Variants in FARP1 observed in about 807,000 individuals in gnomAD.
FARP1 encodes FERM, ARHGEF and pleckstrin domain-containing protein 1.
FARP1 carries 52 observed loss-of-function variants against 128.8 expected under a neutral mutation model. That is an observed-to-expected ratio of 0.40 (90% CI 0.32 to 0.51). The LOEUF is 0.51. FARP1 is among the 20% of genes least tolerant of loss of function. FARP1 has a pLI of 0.45. For missense variants in FARP1, 1,333 were observed against 1,367.9 expected (o/e 0.97, Z 0.40); for synonymous variants, 580 against 551.8 (o/e 1.05, Z -0.72).
At chr13:98,230,050 A>G (rs1882026276) in intron 2 of FARP1, among the ~76,000 whole-genome samples, 1 of 152,228 alleles carries the variant, frequency 6.6e-6, no homozygotes, top group African/African-American at 2.4e-5. Context: ...GGTCGTGCCT[A>G]GTACCGTAGG....
In FARP1 at chr13:98,310,560, G is replaced by A. The variant is rs185399932; in HGVS notation, c.172-33202G>A. The stretch of plus-strand genomic sequence containing the variant: ...TAATTTATAAAGTCTGAAATGTGGA[G>A]GTTTCGAGTTGACATTTGGAGATGG... On this transcript the variant is annotated intron_variant, in intron 2 of 26. Transcript: ENST00000319562. Among the ~76,000 whole-genome samples the A allele has an allele frequency of 4.6e-5, 7 of 152,270 alleles. No individual in the cohort carries two copies. The East Asian group carries it at 1.4e-3, about 29-fold the overall frequency.
chr13:98,143,307 GCGC>G lies in FARP1; in HGVS notation c.-207_-205del, dbSNP rs1389510082. 7.1e-6 allele frequency: 1 copy of G among 140,142 alleles called. No individual in the cohort carries two copies. The highest frequency in any genetic ancestry group is 2.1e-4 in the East Asian group (1 of 4,664). 8.7% of individuals were successfully genotyped at this position (140,142 alleles called of 1,614,324 possible). ...CCTGCTCCGCCCTCCCCTCCGCCCC[GCGC>G]CACCTTTGATGGCTCGGACCTCAGC... On this transcript the variant is annotated 5_prime_UTR_variant, in exon 1 of 27. Coordinates refer to ENST00000319562, the MANE Select transcript of FARP1 (RefSeq NM_005766.4).
intron 3 of FARP1, among the ~76,000 whole-genome samples, chr13:98,358,071 GT>G (rs1261668721): frequency 2.7e-3 from 369 of 137,060 alleles, no homozygotes; most frequent in Middle Eastern, 4.2e-3. Context: ...ATACATTTCT[GT>G]TTTTTTTTTT....
At chr13:98,435,812 T>C in intron 19 of FARP1, 106 bp downstream of exon 19, 1 of 1,186,300 alleles carries the variant, frequency 8.4e-7, no homozygotes, top group East Asian at 2.3e-5. Flanking sequence ...AAGCAAAATG[T>C]CCTCTTTCCA....
In FARP1 at chr13:98,452,950, T is replaced by C; in HGVS notation, c.*4633T>C. On this transcript the variant is annotated 3_prime_UTR_variant, in exon 27 of 27. Coordinates refer to ENST00000319562, the MANE Select transcript of FARP1 (RefSeq NM_005766.4). ...ACAAAAGTAATAAAATAAAATAAAA[T>C]GATCGCTGGAAGGAGCTGACCCTCC... 2 of 446,988 alleles carry C rather than the reference T, an allele frequency of 4.5e-6. No homozygotes were observed. Among genetic ancestry groups the C allele is most frequent in the South Asian group, 5.5e-5 (1 of 18,026 alleles). 27.7% of individuals were successfully genotyped at this position (446,988 alleles called of 1,614,324 possible).
In FARP1 at chr13:98,365,452, T is replaced by G; in HGVS notation, c.319+15T>G. On this transcript the variant is annotated intron_variant, in intron 4 of 26. Transcript: ENST00000319562. ...ACAGATTAGAAGTGAGTATATACCA[T>G]ATGTTTAATAGTGATGTGAAATCTG... 6.4e-7 allele frequency: 1 copy of G among 1,569,200 alleles called. No homozygotes were observed. The highest frequency in any genetic ancestry group is 8.8e-7 in the Non-Finnish European group (1 of 1,140,504).
At position 98,424,791 on chromosome 13, in the gene FARP1, C is replaced by T. The variant is rs1276993545; in HGVS notation, c.1905+141C>T. 1.6e-5 allele frequency: 11 copies of T among 666,728 alleles called. No homozygotes were observed. The East Asian group carries it at 3.0e-4, about 18-fold the overall frequency. The allele number at this position is 666,728 out of a possible 1,614,324, so 41.3% of individuals were successfully genotyped here. A position where few individuals can be genotyped will look rare whatever the true frequency, so the allele number is the denominator to read the frequency against. On this transcript the variant is annotated intron_variant, in intron 17 of 26. Transcript: ENST00000319562. ...TACACCAAGCTTGTCCAACCCACCGCCGAGCAGCAGCTTACAGCCCAGGAC... is the reference window on the plus strand; with the variant it reads ...TACACCAAGCTTGTCCAACCCACCGTCGAGCAGCAGCTTACAGCCCAGGAC...
At chr13:98,153,497 A>AT (rs1566670759) in intron 1 of FARP1, among the ~76,000 whole-genome samples, 1,809 of 134,946 alleles carry the variant, frequency 0.013, 131 homozygotes, top group African/African-American at 0.046. Flanking sequence ...TACATTATAT[A>AT]AAAATATGTA....
At chr13:98,379,206 T>TC (rs1403740321) in intron 6 of FARP1, among the ~76,000 whole-genome samples, 1 of 108,946 alleles carries the variant, frequency 9.2e-6, no homozygotes, top group Non-Finnish European at 1.8e-5. Context: ...AATATATATA[T>TC]AATATATAAT....
intron 1 of FARP1, among the ~76,000 whole-genome samples, chr13:98,189,613 G>C (rs1879097120): frequency 6.6e-6 from 1 of 152,138 alleles, no homozygotes; most frequent in African/African-American, 2.4e-5. Flanking sequence ...AGCCCAATAT[G>C]TATTCAAATT....
chr13:98,415,841 T>G (rs4083519), intron 16 of FARP1, among the ~76,000 whole-genome samples: 1 of 152,310 alleles, frequency 6.6e-6, no homozygotes, highest in East Asian at 1.9e-4. Context: ...TCCTGTCGAT[T>G]GGGATGGGTA....
In FARP1 at chr13:98,443,152, T is replaced by G. The variant is rs531920140; in HGVS notation, c.2796+2316T>G. Reference sequence around the variant, plus strand: ...AACCAAGAATGGGTTTCACTTTTTTTTAATGGCTGCTACATAATGTCTTCA... The same window carrying G: ...AACCAAGAATGGGTTTCACTTTTTTGTAATGGCTGCTACATAATGTCTTCA... On this transcript the variant is annotated intron_variant, in intron 24 of 26. Coordinates refer to ENST00000319562, the MANE Select transcript of FARP1 (RefSeq NM_005766.4). 4.6e-5 allele frequency among the ~76,000 whole-genome samples: 7 copies of G among 152,382 alleles called. No individual in the cohort carries two copies. The South Asian group carries it at 1.0e-3, about 23-fold the overall frequency.
chr13:98,260,445 GT>G (rs1008736914), intron 2 of FARP1, among the ~76,000 whole-genome samples: 2 of 152,168 alleles, frequency 1.3e-5, no homozygotes, highest in African/African-American at 4.8e-5. Context: ...TCCTCACTGA[GT>G]TTAGCCTTTG....
chr13:98,161,575 T>A (rs570173139), intron 1 of FARP1, among the ~76,000 whole-genome samples: 1 of 152,248 alleles, frequency 6.6e-6, no homozygotes, highest in South Asian at 2.1e-4. Flanking sequence ...GGTCATTTCC[T>A]GTTGACCTTT....
At chr13:98,379,614 A>G (rs1889812456) in intron 6 of FARP1, among the ~76,000 whole-genome samples, 1 of 152,168 alleles carries the variant, frequency 6.6e-6, no homozygotes, top group Admixed American at 6.5e-5. Context: ...GGACCTCCCA[A>G]GGACACCAAA....
chr13:98,421,449 A>G (rs1404232628), intron 16 of FARP1, among the ~76,000 whole-genome samples: 2 of 152,162 alleles, frequency 1.3e-5, no homozygotes, highest in Non-Finnish European at 2.9e-5. Context: ...CTTCTCCCGC[A>G]ATCCAGACTC....
At chr13:98,303,349 T>C (rs1594377082) in intron 2 of FARP1, among the ~76,000 whole-genome samples, 1 of 152,220 alleles carries the variant, frequency 6.6e-6, no homozygotes, top group East Asian at 1.9e-4. Flanking sequence ...TACTAAAAAG[T>C]CATTGAACTG....
At position 98,318,408 on chromosome 13, in the gene FARP1, G is replaced by A. The variant is rs1304507196; in HGVS notation, c.172-25354G>A. 5.3e-5 allele frequency among the ~76,000 whole-genome samples: 8 copies of A among 152,210 alleles called. No individual in the cohort carries two copies. In the South Asian group the frequency reaches 1.2e-3, roughly 24 times the overall value. On this transcript the variant is annotated intron_variant, in intron 2 of 26. Coordinates refer to ENST00000319562, the MANE Select transcript of FARP1 (RefSeq NM_005766.4). Reference sequence around the variant, plus strand: ...TATTGGATCAGGGCGGCATCGTTACGACCTCATTTAACCTTAATTGCTGTA... The same window carrying A: ...TATTGGATCAGGGCGGCATCGTTACAACCTCATTTAACCTTAATTGCTGTA...
At chr13:98,396,537 G>T in intron 13 of FARP1, 1 of 399,022 alleles carries the variant, frequency 2.5e-6, no homozygotes, top group South Asian at 1.3e-4. Context: ...GGGGTCACGA[G>T]ACCAGGGTTT....
Sources: gnomAD v4.1 joint callset for allele counts (sites outside exome capture counted in the v4.1 genomes callset) on GRCh38, gnomAD v4.1.1 for gene constraint, MANE v1.5 for transcripts, NCBI Gene and HGNC (gene_info 2026-07-23, HGNC 2026-07-21) for gene names.